SBNO2: variants seen among roughly 807,000 people sequenced by gnomAD.
SBNO2 encodes strawberry notch homolog 2.
A neutral mutation model predicts 146.3 loss-of-function variants in SBNO2; 89 were observed. That is an observed-to-expected ratio of 0.61 (90% CI 0.51 to 0.73). The LOEUF (loss-of-function observed/expected upper bound fraction) is 0.73. Among genes scored for constraint, SBNO2 ranks in the 30% least tolerant of loss-of-function variants. The pLI is 0.00. For missense variants in SBNO2, 2,092 were observed against 2,003.7 expected (o/e 1.04, Z -0.84); for synonymous variants, 1,147 against 892.6 (o/e 1.29, Z -5.08).
In SBNO2 at chr19:1,144,637, G is replaced by A. The variant is rs1260272451; in HGVS notation, c.279+2672C>T. On this transcript the variant is annotated intron_variant, in intron 4 of 31. Transcript: ENST00000361757. The surrounding 1 kb of genome is among the most constrained non-coding windows in gnomAD (Gnocchi z 4.1). Reference sequence around the variant, plus strand: ...AGAGAGGGAAACAGACGAAGACAGAGAGGGCGACAGAGACAGAGGCAGAGA... The same window carrying A: ...AGAGAGGGAAACAGACGAAGACAGAAAGGGCGACAGAGACAGAGGCAGAGA... 1.3e-5 allele frequency among the ~76,000 whole-genome samples: 2 copies of A among 151,696 alleles called. No homozygotes were observed. The highest frequency in any genetic ancestry group is 4.8e-5 in the African/African-American group (2 of 41,278).
intron 7 of SBNO2, 139 bp downstream of exon 7, chr19:1,123,395 C>CCTGT: frequency 1.4e-6 from 1 of 720,624 alleles, no homozygotes; most frequent in Non-Finnish European, 2.3e-6. Flanking sequence ...GATTGTAGAA[C>CCTGT]CTGTCCCCGG....
At chr19:1,111,893 C>T (rs1013728683) in intron 23 of SBNO2, 103 bp downstream of exon 23, 64 of 1,162,138 alleles carry the variant, frequency 5.5e-5, no homozygotes, top group Non-Finnish European at 7.4e-5. Flanking sequence ...CTGAGCCCCA[C>T]GTTCTCCAGC....
rs2080310967 is a variant in SBNO2, at chr19:1,158,253, TCA to T, written c.-126-3853_-126-3852del. On this transcript the variant is annotated intron_variant, in intron 1 of 31. Coordinates refer to ENST00000361757, the MANE Select transcript of SBNO2 (RefSeq NM_014963.3). This position sits in a 1 kb window ranked among gnomAD's most constrained non-coding sequence, Gnocchi z 9.9. ...TGGAGCCCCTTCGCGCGCTCCGCCCTCAGACCCGAGCCGTCTGCAGATGGGGA... is the reference window on the plus strand; with the variant it reads ...TGGAGCCCCTTCGCGCGCTCCGCCCTGACCCGAGCCGTCTGCAGATGGGGA... Among the ~76,000 whole-genome samples the T allele has an allele frequency of 6.6e-6, 1 of 151,430 alleles. No homozygotes were observed. Among genetic ancestry groups the T allele is most frequent in the African/African-American group, 2.4e-5 (1 of 41,140 alleles).
intron 4 of SBNO2, among the ~76,000 whole-genome samples, chr19:1,143,714 C>T (rs922403188): frequency 6.6e-6 from 1 of 152,096 alleles, no homozygotes; most frequent in Non-Finnish European, 1.5e-5. Flanking sequence ...CTCACCCTCC[C>T]GCCTCCTCTC....
intron 1 of SBNO2, among the ~76,000 whole-genome samples, chr19:1,163,643 G>A (rs772992375): frequency 1.3e-5 from 2 of 152,330 alleles, no homozygotes; most frequent in East Asian, 1.9e-4. Context: ...TGCCAACCAC[G>A]GGCAGAGGCC....
intron 4 of SBNO2, among the ~76,000 whole-genome samples, chr19:1,130,505 A>C (rs1568592226): frequency 6.7e-6 from 1 of 149,046 alleles, no homozygotes; most frequent in Non-Finnish European, 1.5e-5. Flanking sequence ...AAAAAAGTTA[A>C]AAGTCAAGCA....
rs1173450309 is a variant in SBNO2, at chr19:1,173,412, G to A, written c.-127+760C>T. ...ACGGCCCCGGGGTCACCTAATATCA[G>A]CAAGCCCCCATCCCAAACCGGGGGA... On this transcript the variant is annotated intron_variant, in intron 1 of 31. Transcript: ENST00000361757. This position sits in a 1 kb window ranked among gnomAD's most constrained non-coding sequence, Gnocchi z 4.7. Among the ~76,000 whole-genome samples, 1 of 152,186 alleles carries A rather than the reference G, an allele frequency of 6.6e-6. No individual in the cohort carries two copies. The highest frequency in any genetic ancestry group is 1.5e-5 in the Non-Finnish European group (1 of 68,046).
At chr19:1,147,700 C>T (rs753699972) in intron 3 of SBNO2, among the ~76,000 whole-genome samples, 5 of 152,094 alleles carry the variant, frequency 3.3e-5, no homozygotes, top group African/African-American at 9.7e-5. Context: ...GCCACCATCC[C>T]GCCCTCCCCG....
Position 1,112,158 on chromosome 19 carries a change from C to T in SBNO2, c.2628+31G>A. 1 of 1,588,320 alleles carries T rather than the reference C, an allele frequency of 6.3e-7. No homozygotes were observed. The highest frequency in any genetic ancestry group is 8.6e-7 in the Non-Finnish European group (1 of 1,167,098). ...TTGGAGAGCCTTCCTGGGCCTGTCC[C>T]TGGTTCTCAGCCCCACCCCCACCTG... On this transcript the variant is annotated intron_variant, in intron 22 of 31. Coordinates refer to ENST00000361757, the MANE Select transcript of SBNO2 (RefSeq NM_014963.3). This position sits in a 1 kb window ranked among gnomAD's most constrained non-coding sequence, Gnocchi z 5.9.
intron 17 of SBNO2, chr19:1,115,700 G>A (rs2079822243): frequency 4.3e-6 from 2 of 469,748 alleles, no homozygotes; most frequent in Non-Finnish European, 7.7e-6. Flanking sequence ...GCTCCCCAAG[G>A]GACCGTGGAG....
At chr19:1,163,792 G>GA in intron 1 of SBNO2, among the ~76,000 whole-genome samples, 1 of 152,334 alleles carries the variant, frequency 6.6e-6, no homozygotes, top group East Asian at 1.9e-4. Flanking sequence ...TTAGGATGAG[G>GA]ACGAGGTGGG....
At chr19:1,118,387 G>C (rs897020684) in intron 14 of SBNO2, among the ~76,000 whole-genome samples, 1 of 152,102 alleles carries the variant, frequency 6.6e-6, no homozygotes, top group South Asian at 2.1e-4. Context: ...TGTTGGGCGT[G>C]AGGGGGAGAA....
At chr19:1,156,845 C>T (rs975316584) in intron 1 of SBNO2, among the ~76,000 whole-genome samples, 5 of 116,830 alleles carry the variant, frequency 4.3e-5, no homozygotes, top group African/African-American at 1.4e-4. Context: ...ACCCTGCACC[C>T]GGGGCCCATT....
rs2079716111 is a variant in SBNO2 at position 1,109,030 on chromosome 19, G to A, written c.3426-61C>T. 3 of 1,495,366 alleles carry A rather than the reference G, an allele frequency of 2.0e-6. No individual in the cohort carries two copies. The highest frequency in any genetic ancestry group is 2.7e-6 in the Non-Finnish European group (3 of 1,124,294). 92.6% of individuals were successfully genotyped at this position (1,495,366 alleles called of 1,614,324 possible). A position where few individuals can be genotyped will look rare whatever the true frequency, so the allele number is the denominator to read the frequency against. On this transcript the variant is annotated intron_variant, in intron 30 of 31. Transcript: ENST00000361757. The surrounding 1 kb of genome is among the most constrained non-coding windows in gnomAD (Gnocchi z 4.2). ...TCCCAGGGGCCCGCAGGCTCCCCAGGTGCCCTGAGATCTCCCGCCTCCTCT... is the reference window on the plus strand; with the variant it reads ...TCCCAGGGGCCCGCAGGCTCCCCAGATGCCCTGAGATCTCCCGCCTCCTCT...
chr19:1,112,990 G>T lies in SBNO2; in HGVS notation c.2248-41C>A. The T allele has an allele frequency of 6.6e-7, 1 of 1,524,148 alleles. No individual in the cohort carries two copies. The highest frequency in any genetic ancestry group is 8.8e-7 in the Non-Finnish European group (1 of 1,133,534). The allele number at this position is 1,524,148 out of a possible 1,614,324, so 94.4% of individuals were successfully genotyped here. ...GGACAAAACCGGCCGTCAGTGTTGT[G>T]GCCTCGCAGGAGTCTGGCCACCCGT... On this transcript the variant is annotated intron_variant, in intron 19 of 31. Coordinates refer to ENST00000361757, the MANE Select transcript of SBNO2 (RefSeq NM_014963.3). The surrounding 1 kb of genome is among the most constrained non-coding windows in gnomAD (Gnocchi z 5.9).
chr19:1,166,953 G>A (rs990821674), intron 1 of SBNO2, among the ~76,000 whole-genome samples: 3 of 152,224 alleles, frequency 2.0e-5, no homozygotes, highest in Non-Finnish European at 4.4e-5. Flanking sequence ...GCTGATCCCA[G>A]ACAAGTGGCT....
chr19:1,135,469 G>C (rs1339242185), intron 4 of SBNO2, among the ~76,000 whole-genome samples: 1 of 152,378 alleles, frequency 6.6e-6, no homozygotes, highest in Non-Finnish European at 1.5e-5. Flanking sequence ...TTGCTCCCCA[G>C]GCCCCAATGT....
At chr19:1,113,334 C>T (rs7253465) in intron 19 of SBNO2, among the ~76,000 whole-genome samples, 5 of 152,132 alleles carry the variant, frequency 3.3e-5, no homozygotes, top group African/African-American at 7.2e-5. Context: ...TGGGGCAGGC[C>T]GTCCACAGGA....
chr19:1,157,120 C>T lies in SBNO2; in HGVS notation c.-126-2718G>A, dbSNP rs1241682487. ...GCCCTGCCTGCAGACTCGGTCCTGT[C>T]CGAGGGCCCACGCCCCCAAGGGCTG... is the stretch of plus-strand genomic sequence containing the variant. On this transcript the variant is annotated intron_variant, in intron 1 of 31. Coordinates refer to ENST00000361757, the MANE Select transcript of SBNO2 (RefSeq NM_014963.3). The surrounding 1 kb of genome is among the most constrained non-coding windows in gnomAD (Gnocchi z 6.8). 6.6e-6 allele frequency among the ~76,000 whole-genome samples: 1 copy of T among 152,020 alleles called. No individual in the cohort carries two copies. Among genetic ancestry groups the T allele is most frequent in the African/African-American group, 2.4e-5 (1 of 41,364 alleles).
Sources: allele counts gnomAD v4.1 joint callset (sites outside exome capture counted in the v4.1 genomes callset), GRCh38; gene constraint gnomAD v4.1.1; non-coding constraint Gnocchi (gnomAD v3.1); transcripts MANE v1.5; gene names NCBI Gene and HGNC (gene_info 2026-07-23, HGNC 2026-07-21).